The following TTC23 variants were observed in gnomAD, a reference collection of about 807,000 sequenced individuals.
TTC23 encodes tetratricopeptide repeat domain 23.
Under a neutral mutation model 55.1 loss-of-function variants are expected in TTC23, and 58 were observed. That is an observed-to-expected ratio of 1.05 (90% CI 0.85 to 1.31). TTC23 has a LOEUF of 1.31. TTC23 is among the 50% of genes most tolerant of loss of function. The pLI, the probability that TTC23 is intolerant of heterozygous loss-of-function variation, is 0.00. For synonymous variants in TTC23, 203 were observed against 199.9 expected, an observed-to-expected ratio of 1.02 and a Z score of -0.13; for missense variants, 516 against 534.4, an observed-to-expected ratio of 0.97 and a Z score of 0.34.
chr15:99,225,935 G>A (rs1596882728), intron 5 of TTC23, among the ~76,000 whole-genome samples: 1 of 152,350 alleles, frequency 6.6e-6, no homozygotes, highest in South Asian at 2.1e-4. Flanking sequence ...CTGACAGGAC[G>A]CACTAAGGAG....
At chr15:99,140,066 A>T (rs2068050825) in intron 12 of TTC23, 1 of 208,996 alleles carries the variant, frequency 4.8e-6, no homozygotes, top group South Asian at 8.0e-5. Context: ...ACTGAATGCC[A>T]AAGACCCTTT....
intron 12 of TTC23, among the ~76,000 whole-genome samples, chr15:99,142,152 G>C (rs782101836): frequency 1.3e-5 from 2 of 152,120 alleles, no homozygotes; most frequent in African/African-American, 2.4e-5. Flanking sequence ...ATGCGGACAT[G>C]TTTTTGACAG....
intron 4 of TTC23, among the ~76,000 whole-genome samples, chr15:99,231,151 T>C (rs2078901433): frequency 6.6e-6 from 1 of 152,254 alleles, no homozygotes; most frequent in African/African-American, 2.4e-5. Context: ...GCTAGCCATA[T>C]AAAAGTAAAG....
chr15:99,170,610 G>T (rs953191691), intron 10 of TTC23, among the ~76,000 whole-genome samples: 2 of 152,210 alleles, frequency 1.3e-5, no homozygotes, highest in Non-Finnish European at 2.9e-5. Flanking sequence ...TGAGGGATTT[G>T]GTTGCCCCTT....
chr15:99,190,137 G>A (rs761937351), intron 9 of TTC23, among the ~76,000 whole-genome samples: 30 of 151,788 alleles, frequency 2.0e-4, no homozygotes, highest in Non-Finnish European at 4.1e-4. Flanking sequence ...CTGTGTTTGC[G>A]CCGCTACACT....
At chr15:99,179,448 A>G (rs1290556390) in intron 9 of TTC23, among the ~76,000 whole-genome samples, 1 of 152,254 alleles carries the variant, frequency 6.6e-6, no homozygotes, top group Non-Finnish European at 1.5e-5. Flanking sequence ...CCACTGATGC[A>G]TTAATTGAGA....
chr15:99,176,040 C>T (rs2073511344), intron 9 of TTC23, among the ~76,000 whole-genome samples: 1 of 152,150 alleles, frequency 6.6e-6, no homozygotes, highest in Non-Finnish European at 1.5e-5. Flanking sequence ...ATCTTCTGAA[C>T]ATAAAATCAC....
intron 5 of TTC23, among the ~76,000 whole-genome samples, chr15:99,222,143 A>AG (rs2077992546): frequency 6.6e-6 from 1 of 152,246 alleles, no homozygotes; most frequent in Non-Finnish European, 1.5e-5. Context: ...AAAAATAGAA[A>AG]AAGTAGAGCA....
chr15:99,218,655 G>T lies in TTC23; in HGVS notation c.514C>A (p.Gln172Lys), dbSNP rs768358654. The T allele has an allele frequency of 1.7e-5, 27 of 1,614,082 alleles. No homozygotes were observed. In the South Asian group the frequency reaches 2.7e-4, roughly 16 times the overall value. ...KAERLSKELL[Q>K]CGRIIKEEWI... ...TCTTCCTTTATAATTCTTCCACATT[G>T]TAGCAGCTCCTTTGAAAGTCTCTCT... Residue 172 changes from glutamine to lysine, a missense_variant, in exon 8 of 14, where the codon CAA becomes AAA. Transcript: ENST00000394132.
In TTC23 at chr15:99,137,410, C is replaced by T. The variant is rs1187647944; in HGVS notation, c.*600G>A. 6 of 152,336 alleles carry T rather than the reference C, an allele frequency of 3.9e-5. No homozygotes were observed. The highest frequency in any genetic ancestry group is 1.2e-4 in the African/African-American group (5 of 41,458). 9.4% of individuals were successfully genotyped at this position (152,336 alleles called of 1,614,324 possible). On this transcript the variant is annotated 3_prime_UTR_variant, in exon 14 of 14. Coordinates refer to ENST00000394132, the MANE Select transcript of TTC23 (RefSeq NM_001288615.3). ...CTTTTCACTCCCTTACACCTGCCTC[C>T]TGGGCCCCAGGCCAAGTCAGGTGTG...
chr15:99,249,920 G>A (rs1005332370), upstream of TTC23: 3 of 151,934 alleles, frequency 2.0e-5, no homozygotes, highest in Non-Finnish European at 4.4e-5. Flanking sequence ...GTGGGGAGGA[G>A]GTGAAGGTTA....
intron 9 of TTC23, among the ~76,000 whole-genome samples, chr15:99,175,965 A>T (rs566537862): frequency 3.4e-4 from 52 of 152,374 alleles, no homozygotes; most frequent in Non-Finnish European, 6.3e-4. Context: ...ACTGCACTCT[A>T]GCCTGGGTGA....
chr15:99,242,655 T>C, intron 2 of TTC23, among the ~76,000 whole-genome samples: 1 of 152,216 alleles, frequency 6.6e-6, no homozygotes, highest in Non-Finnish European at 1.5e-5. Context: ...AAGGGGAGTT[T>C]ATCCTAGAAA....
At chr15:99,228,415 T>C (rs2078644918) in intron 5 of TTC23, 118 bp downstream of exon 5, 10 of 911,254 alleles carry the variant, frequency 1.1e-5, no homozygotes, top group Non-Finnish European at 1.6e-5. Context: ...CTGTCTTATA[T>C]ACTTTCTTGT....
At chr15:99,235,470 A>C (rs2079245820) in intron 3 of TTC23, among the ~76,000 whole-genome samples, 1 of 151,270 alleles carries the variant, frequency 6.6e-6, no homozygotes, top group Non-Finnish European at 1.5e-5. Flanking sequence ...TCCTGGGTTC[A>C]AGCGATTCCC....
chr15:99,169,064 G>C (rs2072552503), intron 10 of TTC23, among the ~76,000 whole-genome samples: 1 of 152,138 alleles, frequency 6.6e-6, no homozygotes. Flanking sequence ...ACAGAGTATG[G>C]GGCATCTCTT....
At chr15:99,219,761 C>T (rs557351915) in intron 6 of TTC23, among the ~76,000 whole-genome samples, 238 of 152,158 alleles carry the variant, frequency 1.6e-3, no homozygotes, top group African/African-American at 5.4e-3. Flanking sequence ...TCCCTGTATT[C>T]CCATCCTCCT....
At chr15:99,186,009 C>G (rs1314738860) in intron 9 of TTC23, among the ~76,000 whole-genome samples, 1 of 152,206 alleles carries the variant, frequency 6.6e-6, no homozygotes, top group Non-Finnish European at 1.5e-5. Flanking sequence ...AACAAAACCT[C>G]TTTGTGTATA....
intron 4 of TTC23, among the ~76,000 whole-genome samples, chr15:99,234,394 G>C (rs996140152): frequency 6.6e-6 from 1 of 151,782 alleles, no homozygotes; most frequent in Non-Finnish European, 1.5e-5. Flanking sequence ...TTTTTGAGAC[G>C]GAGTCTCGCT....
Sources: allele counts gnomAD v4.1 joint callset (sites outside exome capture counted in the v4.1 genomes callset), GRCh38; gene constraint gnomAD v4.1.1; transcripts MANE v1.5; gene names NCBI Gene and HGNC (gene_info 2026-07-23, HGNC 2026-07-21).